JADE1: variants seen among roughly 807,000 people sequenced by gnomAD.
JADE1 encodes the protein jade family PHD finger 1.
In JADE1, 14 loss-of-function variants were observed where a neutral mutation model predicts 81.8. That is an observed-to-expected ratio of 0.17 (90% confidence interval 0.11 to 0.27). JADE1 has a LOEUF of 0.27. Ranked by LOEUF, JADE1 falls within the 10% of genes least tolerant of loss-of-function variation. JADE1 has a pLI of 1.00. For synonymous variants in JADE1, 353 were observed against 391.9 expected, an observed-to-expected ratio of 0.90 and a Z score of 1.17; for missense variants, 690 against 1,047.9, an observed-to-expected ratio of 0.66 and a Z score of 4.71.
At chr4:128,811,646 T>G (rs1456541639) in intron 1 of JADE1, among the ~76,000 whole-genome samples, 2 of 113,092 alleles carry the variant, frequency 1.8e-5, no homozygotes, top group African/African-American at 3.6e-5. Flanking sequence ...GGGTGGGGGG[T>G]TGCGGGGGCG....
chr4:128,853,799 A>G (rs17013821), intron 6 of JADE1, among the ~76,000 whole-genome samples: 2,233 of 152,182 alleles, frequency 0.015, 55 homozygotes, highest in African/African-American at 0.05. Context: ...TTTGCTTCAT[A>G]ATTTGTGACC....
chr4:128,868,023 CT>C, intron 10 of JADE1, 50 bp downstream of exon 10: 1 of 881,666 alleles, frequency 1.1e-6, no homozygotes, highest in South Asian at 1.6e-5. Flanking sequence ...GGTTTGTAAG[CT>C]TTAACACTGT....
chr4:128,836,320 A>T (rs1448656551), intron 2 of JADE1, among the ~76,000 whole-genome samples: 2 of 152,208 alleles, frequency 1.3e-5, no homozygotes, highest in Non-Finnish European at 2.9e-5. Flanking sequence ...TTTATATGTC[A>T]TATGTATTAT....
intron 3 of JADE1, among the ~76,000 whole-genome samples, chr4:128,844,025 CT>C (rs1398586429): frequency 2.0e-5 from 3 of 152,210 alleles, no homozygotes; most frequent in Admixed American, 2.0e-4. Context: ...ACTTCTTCCC[CT>C]TACTTTATTT....
At chr4:128,848,430 C>T (rs1477743008) in intron 4 of JADE1, among the ~76,000 whole-genome samples, 7 of 152,186 alleles carry the variant, frequency 4.6e-5, no homozygotes, top group Admixed American at 2.0e-4. Flanking sequence ...CCGCCTGCCT[C>T]GGCCTCCCAA....
chr4:128,834,169 A>G (rs1006913293), intron 2 of JADE1, among the ~76,000 whole-genome samples: 2 of 152,190 alleles, frequency 1.3e-5, no homozygotes, highest in African/African-American at 4.8e-5. Context: ...GCTACAAAAA[A>G]GTACCACAGC....
In JADE1 at chr4:128,867,757, C is replaced by T. The variant is rs983672915; in HGVS notation, c.1504-99C>T. 1.0e-4 allele frequency: 66 copies of T among 651,558 alleles called. No individual in the cohort carries two copies. In the African/African-American group the frequency reaches 1.1e-3, roughly 11 times the overall value. The allele number at this position is 651,558 out of a possible 1,614,324, so 40.4% of individuals were successfully genotyped here. A position where few individuals can be genotyped will look rare whatever the true frequency, so the allele number is the denominator to read the frequency against. ...TTGATTTCAAGTATCTGTCAAGGCC[C>T]TAGTAGGAGTAATTTCTCTTAGGTA... On this transcript the variant is annotated intron_variant, in intron 9 of 10. Coordinates refer to ENST00000226319, the MANE Select transcript of JADE1 (RefSeq NM_199320.4).
chr4:128,824,728 T>A (rs540157584), intron 1 of JADE1, among the ~76,000 whole-genome samples: 4 of 152,236 alleles, frequency 2.6e-5, no homozygotes, highest in African/African-American at 9.6e-5. Flanking sequence ...GGGTGATATA[T>A]AAAAGTATGT....
intron 1 of JADE1, among the ~76,000 whole-genome samples, chr4:128,822,768 A>G (rs1196589651): frequency 2.6e-5 from 4 of 152,176 alleles, no homozygotes. Context: ...AAAGAGGAGG[A>G]AAAGTTCCCA....
intron 1 of JADE1, chr4:128,827,994 C>T (rs574526358): frequency 1.5e-4 from 68 of 447,004 alleles, no homozygotes; most frequent in South Asian, 9.5e-4. Context: ...TCTTACCAGC[C>T]TCCTCTGACT....
At chr4:128,843,176 G>A in intron 3 of JADE1, 138 bp downstream of exon 3, 1 of 642,998 alleles carries the variant, frequency 1.6e-6, no homozygotes, top group Non-Finnish European at 2.7e-6. Context: ...AAGACGGGGA[G>A]AACACAAGTG....
At chr4:128,813,442 A>T (rs1438635271) in intron 1 of JADE1, among the ~76,000 whole-genome samples, 1 of 132,422 alleles carries the variant, frequency 7.6e-6, no homozygotes, top group Non-Finnish European at 1.6e-5. Flanking sequence ...CTTGAGACAG[A>T]GTCTTTCGCT....
intron 1 of JADE1, among the ~76,000 whole-genome samples, chr4:128,814,424 A>G (rs1025850736): frequency 1.3e-5 from 2 of 152,208 alleles, no homozygotes; most frequent in Non-Finnish European, 2.9e-5. Context: ...GAAAATTAGA[A>G]AATACAAGGA....
Position 128,859,408 on chromosome 4 carries a change from C to T in JADE1, c.981+1954C>T, listed in dbSNP as rs193100824. Among the ~76,000 whole-genome samples the T allele has an allele frequency of 6.7e-4, 102 of 151,306 alleles. No homozygotes were observed. In the East Asian group the frequency reaches 0.013, roughly 20 times the overall value. ...GAGTATGCATGCGTGAGTGCGTATGCGTGTGTATGCATGTGTGCATATGTA... is the reference window on the plus strand; with the variant it reads ...GAGTATGCATGCGTGAGTGCGTATGTGTGTGTATGCATGTGTGCATATGTA... On this transcript the variant is annotated intron_variant, in intron 8 of 10. Coordinates refer to ENST00000226319, the MANE Select transcript of JADE1 (RefSeq NM_199320.4).
chr4:128,817,376 G>A (rs1022392250), intron 1 of JADE1, among the ~76,000 whole-genome samples: 2 of 152,114 alleles, frequency 1.3e-5, no homozygotes, highest in Non-Finnish European at 2.9e-5. Flanking sequence ...AGTGTCTCCT[G>A]TGCAGGAGAT....
intron 10 of JADE1, among the ~76,000 whole-genome samples, chr4:128,869,538 A>G (rs907904638): frequency 1.3e-4 from 20 of 152,356 alleles, no homozygotes; most frequent in African/African-American, 4.8e-4. Context: ...CCCTGTAAAA[A>G]TAAGCCGTAA....
intron 2 of JADE1, among the ~76,000 whole-genome samples, chr4:128,841,735 G>A (rs1236973850): frequency 1.3e-5 from 2 of 152,164 alleles, no homozygotes; most frequent in African/African-American, 2.4e-5. Context: ...GTAAGACTGT[G>A]GACATGGGTG....
chr4:128,866,891 C>T (rs1013135309), intron 9 of JADE1, among the ~76,000 whole-genome samples: 6 of 152,200 alleles, frequency 3.9e-5, no homozygotes, highest in African/African-American at 1.2e-4. Flanking sequence ...TTTGCAGGTC[C>T]GTGTAATCTA....
intron 2 of JADE1, among the ~76,000 whole-genome samples, chr4:128,837,313 C>T (rs1321246938): frequency 2.6e-5 from 4 of 152,166 alleles, no homozygotes; most frequent in African/African-American, 7.2e-5. Context: ...TGTACTTGGA[C>T]CTCAGCAGAA....
Sources: allele counts gnomAD v4.1 joint callset (sites outside exome capture counted in the v4.1 genomes callset), GRCh38; gene constraint gnomAD v4.1.1; transcripts MANE v1.5; gene names NCBI Gene and HGNC (gene_info 2026-07-23, HGNC 2026-07-21).